SMYD2: variants seen among roughly 807,000 people sequenced by gnomAD.
SMYD2 encodes N-lysine methyltransferase SMYD2.
A neutral mutation model predicts 59.1 loss-of-function variants in SMYD2; 53 were observed. The observed-to-expected ratio is 0.90, with a 90% CI of 0.72 to 1.13. SMYD2 has a LOEUF of 1.13. SMYD2 is among the 50% of genes most tolerant of loss of function. The pLI, the probability that SMYD2 is intolerant of heterozygous loss-of-function variation, is 0.00. For missense variants in SMYD2, 494 were observed against 544.7 expected (o/e 0.91, Z 0.93); for synonymous variants, 208 against 198.8 (o/e 1.05, Z -0.39).
chr1:214,313,683 A>G (rs1373877661), intron 2 of SMYD2, among the ~76,000 whole-genome samples: 1 of 152,068 alleles, frequency 6.6e-6, no homozygotes, highest in Non-Finnish European at 1.5e-5. Context: ...GTCCTCTCAC[A>G]CTAAGCCTAT....
chr1:214,325,547 T>C (rs1657246401), intron 6 of SMYD2, among the ~76,000 whole-genome samples: 1 of 152,204 alleles, frequency 6.6e-6, no homozygotes, highest in African/African-American at 2.4e-5. Context: ...TTAATACTCA[T>C]GCATTTGCCC....
At chr1:214,328,129 T>C (rs1409487554) in intron 7 of SMYD2, among the ~76,000 whole-genome samples, 1 of 151,980 alleles carries the variant, frequency 6.6e-6, no homozygotes, top group Admixed American at 6.6e-5. Flanking sequence ...TTTTATTTTA[T>C]TTTTTTTGGT....
chr1:214,288,954 T>TTTC (rs1553253932), intron 1 of SMYD2, among the ~76,000 whole-genome samples: 4 of 150,550 alleles, frequency 2.7e-5, no homozygotes, highest in African/African-American at 9.8e-5. Context: ...TTTTTTTTTT[T>TTTC]CCTTAAGCAA....
chr1:214,302,658 G>A (rs548903786), intron 1 of SMYD2, among the ~76,000 whole-genome samples: 2 of 152,236 alleles, frequency 1.3e-5, no homozygotes, highest in African/African-American at 4.8e-5. Flanking sequence ...ACTTGGTGAC[G>A]AGCTGGTTCA....
intron 1 of SMYD2, among the ~76,000 whole-genome samples, chr1:214,287,288 C>G (rs1257349836): frequency 6.6e-6 from 1 of 151,698 alleles, no homozygotes; most frequent in African/African-American, 2.4e-5. Flanking sequence ...GTGGAGTCAC[C>G]ATTAAGCTGG....
intron 1 of SMYD2, among the ~76,000 whole-genome samples, chr1:214,297,199 G>C (rs1167075635): frequency 3.3e-5 from 5 of 152,090 alleles, no homozygotes; most frequent in Admixed American, 3.3e-4. Flanking sequence ...CATACCAATT[G>C]AATGAGAACT....
intron 1 of SMYD2, among the ~76,000 whole-genome samples, chr1:214,304,986 A>G (rs1175098339): frequency 6.6e-6 from 1 of 152,098 alleles, no homozygotes; most frequent in African/African-American, 2.4e-5. Flanking sequence ...ATGTGAGTGC[A>G]TGCACTATTT....
At chr1:214,313,331 A>C (rs1657029102) in intron 2 of SMYD2, among the ~76,000 whole-genome samples, 1 of 151,746 alleles carries the variant, frequency 6.6e-6, no homozygotes, top group Non-Finnish European at 1.5e-5. Context: ...TGGCCAGGCC[A>C]ATCATAAACT....
intron 3 of SMYD2, 86 bp downstream of exon 3, chr1:214,314,958 C>T (rs1010449858): frequency 8.8e-5 from 88 of 1,005,328 alleles, no homozygotes; most frequent in Non-Finnish European, 1.2e-4. Flanking sequence ...CTTTGGTAAC[C>T]ATCTCTCGTT....
intron 6 of SMYD2, among the ~76,000 whole-genome samples, chr1:214,325,773 CTT>C (rs59821609): frequency 0.017 from 1,972 of 118,730 alleles, 25 homozygotes; most frequent in Non-Finnish European, 0.022. Context: ...AGGAAAGAAG[CTT>C]TTTTTTTTTT....
At chr1:214,331,771 A>C (rs1388019592) in intron 9 of SMYD2, 7 of 399,870 alleles carry the variant, frequency 1.8e-5, no homozygotes, top group Non-Finnish European at 3.1e-5. Flanking sequence ...AACATTGTTT[A>C]CATCAGAACT....
chr1:214,286,855 TC>T (rs978173776), intron 1 of SMYD2, among the ~76,000 whole-genome samples: 1 of 20,688 alleles, frequency 4.8e-5, no homozygotes, highest in Middle Eastern at 0.013. Context: ...TGATCTCTCT[TC>T]TTTTTTTTTT....
chr1:214,288,938 C>CTT (rs10660642), intron 1 of SMYD2, among the ~76,000 whole-genome samples: 63,368 of 136,570 alleles, frequency 0.46, 15,167 homozygotes, highest in Non-Finnish European at 0.49. Flanking sequence ...AGCCCATAGT[C>CTT]TTTTTTTTTT....
intron 6 of SMYD2, among the ~76,000 whole-genome samples, chr1:214,325,566 G>A (rs1053096370): frequency 3.9e-5 from 6 of 152,196 alleles, no homozygotes; most frequent in Admixed American, 3.3e-4. Context: ...CCTGAGTGAT[G>A]TGCCTGCCCT....
chr1:214,309,903 G>A (rs184031602), intron 2 of SMYD2, among the ~76,000 whole-genome samples: 1 of 152,332 alleles, frequency 6.6e-6, no homozygotes, highest in Admixed American at 6.5e-5. Flanking sequence ...GTGGTCAGGT[G>A]TCCACCTGAT....
chr1:214,317,375 C>T (rs1657103812), intron 3 of SMYD2, among the ~76,000 whole-genome samples: 1 of 152,154 alleles, frequency 6.6e-6, no homozygotes, highest in Admixed American at 6.5e-5. Flanking sequence ...TACCAAACTA[C>T]CAAGGGGAGG....
intron 10 of SMYD2, 51 bp from the exon 11 acceptor site, chr1:214,334,149 C>A: frequency 6.5e-7 from 1 of 1,536,546 alleles, no homozygotes; most frequent in Non-Finnish European, 9.0e-7. Context: ...GCCTGTGGGG[C>A]GGCTCAGTAG....
chr1:214,334,071 G>A (rs1657398325), intron 10 of SMYD2, 129 bp from the exon 11 acceptor site: 1 of 713,796 alleles, frequency 1.4e-6, no homozygotes, highest in South Asian at 1.8e-5. Flanking sequence ...ACCCTGGTGG[G>A]ATTTGGAGAG....
At chr1:214,336,683 G>GT in intron 11 of SMYD2, 21 bp from the exon 12 acceptor site, 1 of 1,612,048 alleles carries the variant, frequency 6.2e-7, no homozygotes, top group Non-Finnish European at 8.5e-7. Context: ...GGCTCTCATT[G>GT]TTTGTCTTGC....
Sources: allele counts gnomAD v4.1 joint callset (sites outside exome capture counted in the v4.1 genomes callset), GRCh38; gene constraint gnomAD v4.1.1; transcripts MANE v1.5; gene names NCBI Gene and HGNC (gene_info 2026-07-23, HGNC 2026-07-21).